JARID2: variants seen among roughly 807,000 people sequenced by gnomAD.
JARID2 encodes protein Jumonji.
Under a neutral mutation model 125.6 loss-of-function variants are expected in JARID2, and 21 were observed. The ratio of observed to expected loss-of-function variants is 0.17; its 90% CI spans 0.12 to 0.24. JARID2 has a LOEUF of 0.24. JARID2 is among the 10% of genes least tolerant of loss of function. The pLI is 1.00. For missense variants in JARID2, 1,303 were observed against 1,639.6 expected (o/e 0.79, Z 3.55); for synonymous variants, 736 against 661.6 (o/e 1.11, Z -1.73).
chr6:15,382,869 T>C (rs1210887545), intron 2 of JARID2, among the ~76,000 whole-genome samples: 3 of 152,214 alleles, frequency 2.0e-5, no homozygotes, highest in Non-Finnish European at 4.4e-5. Flanking sequence ...GCCCGCCTCC[T>C]TTGTCAGTTC....
At chr6:15,347,174 T>A (rs998145784) in intron 1 of JARID2, among the ~76,000 whole-genome samples, 2 of 152,166 alleles carry the variant, frequency 1.3e-5, no homozygotes, top group Admixed American at 6.5e-5. Flanking sequence ...CTACTATATA[T>A]TTAAGTAGTT....
At chr6:15,266,919 G>A (rs182559977) in intron 1 of JARID2, among the ~76,000 whole-genome samples, 77 of 152,328 alleles carry the variant, frequency 5.1e-4, no homozygotes, top group African/African-American at 1.8e-3. Flanking sequence ...TCACCAGGCC[G>A]TGGTTTAAAT....
At chr6:15,458,198 C>G (rs1475713706) in intron 4 of JARID2, among the ~76,000 whole-genome samples, 1 of 152,162 alleles carries the variant, frequency 6.6e-6, no homozygotes, top group Non-Finnish European at 1.5e-5. Context: ...TTTGTTCTGA[C>G]TATGATTATT....
intron 1 of JARID2, among the ~76,000 whole-genome samples, chr6:15,262,276 A>G (rs1273133256): frequency 6.6e-6 from 1 of 151,152 alleles, no homozygotes; most frequent in Non-Finnish European, 1.5e-5. Flanking sequence ...CAGTTCTTCC[A>G]GCCTCTTACA....
intron 3 of JARID2, among the ~76,000 whole-genome samples, chr6:15,434,359 G>C (rs1265375306): frequency 6.6e-6 from 1 of 152,162 alleles, no homozygotes; most frequent in East Asian, 1.9e-4. Context: ...CTTTCAGAGA[G>C]TGTTGCACAT....
intron 8 of JARID2, 101 bp from the exon 9 acceptor site, chr6:15,504,399 A>G: frequency 1.2e-6 from 1 of 808,850 alleles, no homozygotes; most frequent in Admixed American, 1.8e-5. Context: ...CCACAGCCGC[A>G]GGGACGCCAA....
intron 4 of JARID2, among the ~76,000 whole-genome samples, 168 bp from the exon 5 acceptor site, chr6:15,468,373 GT>G (rs1485656092): frequency 6.6e-6 from 1 of 151,810 alleles, no homozygotes; most frequent in Non-Finnish European, 1.5e-5. Context: ...CTTGAAATAC[GT>G]TCAAAAGGCA....
intron 1 of JARID2, among the ~76,000 whole-genome samples, chr6:15,274,168 G>T (rs949904205): frequency 2.0e-5 from 3 of 152,210 alleles, no homozygotes; most frequent in Non-Finnish European, 4.4e-5. Flanking sequence ...CACCTCAGGT[G>T]ATCCTCCTGC....
chr6:15,519,294 A>C (rs1346201150), intron 17 of JARID2, among the ~76,000 whole-genome samples: 1 of 152,140 alleles, frequency 6.6e-6, no homozygotes, highest in East Asian at 1.9e-4. Flanking sequence ...CTATGGTGTT[A>C]TTACAGATAC....
intron 1 of JARID2, among the ~76,000 whole-genome samples, chr6:15,263,074 TTGTGTG>T (rs561238062): frequency 0.13 from 17,908 of 139,650 alleles, 1,151 homozygotes; most frequent in African/African-American, 0.17. Flanking sequence ...GGGTGTGTGT[TTGTGTG>T]TGTGTGTGTG....
chr6:15,494,418 T>TTTTTTTTTTTTTG (rs1770305295), intron 6 of JARID2, among the ~76,000 whole-genome samples: 1 of 134,138 alleles, frequency 7.5e-6, no homozygotes, highest in Non-Finnish European at 1.6e-5. Context: ...CAAGTCTTTT[T>TTTTTTTTTTTTTG]TTTTTTTTTT....
rs566920199 is a variant in JARID2 at position 15,324,038 on chromosome 6, C to T, written c.46-50079C>T. ...TCTACTAAAAATACAAAAAATTAGC[C>T]GGGCGTGGTGGCGGGCGCCTGTAGT... On this transcript the variant is annotated intron_variant, in intron 1 of 17. Coordinates refer to ENST00000341776, the MANE Select transcript of JARID2 (RefSeq NM_004973.4). Among the ~76,000 whole-genome samples, 232 of 151,654 alleles carry T rather than the reference C, an allele frequency of 1.5e-3. 2 individuals are homozygous for T. Among genetic ancestry groups the T allele is most frequent in the African/African-American group, 5.1e-3 (210 of 41,336 alleles).
chr6:15,450,849 TAAA>T (rs35855145), intron 3 of JARID2, among the ~76,000 whole-genome samples: 1 of 152,198 alleles, frequency 6.6e-6, no homozygotes, highest in Non-Finnish European at 1.5e-5. Flanking sequence ...GCTACTGTGT[TAAA>T]AAAGAACAAA....
At chr6:15,337,954 A>T (rs767726181) in intron 1 of JARID2, among the ~76,000 whole-genome samples, 2 of 152,178 alleles carry the variant, frequency 1.3e-5, no homozygotes, top group Non-Finnish European at 2.9e-5. Context: ...GGCAACAGGC[A>T]CAATGTAAAT....
Position 15,469,437 on chromosome 6 carries a change from CCTTT to C in JARID2, c.670+728_670+731del, listed in dbSNP as rs1247203603. Among the ~76,000 whole-genome samples the C allele has an allele frequency of 9.9e-5, 13 of 130,956 alleles. 1 individual carries two copies. The highest frequency in any genetic ancestry group is 3.2e-4 in the African/African-American group (11 of 34,796). 85.9% of individuals were successfully genotyped at this position (130,956 alleles called of 152,430 possible). The stretch of plus-strand genomic sequence containing the variant: ...CCGCTTCTCCGCTTTTCCTTTCTTT[CCTTT>C]CTTTCTTTTGTGACGGAGTCTCGCT... On this transcript the variant is annotated intron_variant, in intron 5 of 17. Coordinates refer to ENST00000341776, the MANE Select transcript of JARID2 (RefSeq NM_004973.4).
chr6:15,511,478 C>T (rs573581104), intron 13 of JARID2, 77 bp downstream of exon 13: 86 of 1,005,110 alleles, frequency 8.6e-5, no homozygotes, highest in Non-Finnish European at 1.1e-4. Flanking sequence ...CCCATGAACC[C>T]GCCTTTCAAA....
chr6:15,421,100 T>C (rs1020170047), intron 3 of JARID2, among the ~76,000 whole-genome samples: 1 of 151,982 alleles, frequency 6.6e-6, no homozygotes, highest in African/African-American at 2.4e-5. Context: ...CCCCTTGTGT[T>C]TCTCAACCCC....
At chr6:15,425,808 G>A (rs1341344055) in intron 3 of JARID2, among the ~76,000 whole-genome samples, 3 of 152,214 alleles carry the variant, frequency 2.0e-5, no homozygotes, top group Admixed American at 6.5e-5. Flanking sequence ...AGAAAGATGC[G>A]TGAAGTTTGT....
At chr6:15,312,997 C>G (rs1047926266) in intron 1 of JARID2, among the ~76,000 whole-genome samples, 1 of 152,192 alleles carries the variant, frequency 6.6e-6, no homozygotes, top group African/African-American at 2.4e-5. Context: ...TCCCGCAAAC[C>G]GAGCTGCAGC....
Sources: allele counts gnomAD v4.1 joint callset (sites outside exome capture counted in the v4.1 genomes callset), GRCh38; gene constraint gnomAD v4.1.1; transcripts MANE v1.5; gene names NCBI Gene and HGNC (gene_info 2026-07-23, HGNC 2026-07-21).